Variants in PCNX1 observed in about 807,000 individuals in gnomAD.
PCNX1 encodes pecanex-like protein 1.
A neutral mutation model predicts 242.2 loss-of-function variants in PCNX1; 78 were observed. The ratio of observed to expected loss-of-function variants is 0.32; its 90% CI spans 0.27 to 0.39. The LOEUF is 0.39. Ranked by LOEUF, PCNX1 falls within the 10% of genes least tolerant of loss-of-function variation. PCNX1 has a pLI of 1.00. For missense variants in PCNX1, 2,581 were observed against 2,856.5 expected (o/e 0.90, Z 2.20); for synonymous variants, 1,024 against 1,032.9 (o/e 0.99, Z 0.17).
intron 28 of PCNX1, 51 bp downstream of exon 28, chr14:71,076,470 G>A (rs1035632240): frequency 8.4e-7 from 1 of 1,191,834 alleles, no homozygotes; most frequent in African/African-American, 1.5e-5. Flanking sequence ...TTCCAAAGAT[G>A]CAAAGAATGT....
At chr14:70,967,870 G>A (rs1231995176) in intron 3 of PCNX1, among the ~76,000 whole-genome samples, 5 of 152,114 alleles carry the variant, frequency 3.3e-5, no homozygotes, top group Admixed American at 2.0e-4. Flanking sequence ...TAACATGAAC[G>A]TGTCATGATG....
chr14:70,907,722 G>T lies in PCNX1; in HGVS notation c.-129G>T, dbSNP rs1017038995. The T allele has an allele frequency of 5.5e-6, 6 of 1,100,146 alleles. No homozygotes were observed. The East Asian group carries it at 2.6e-4, about 48-fold the overall frequency. The allele number at this position is 1,100,146 out of a possible 1,614,324, so 68.1% of individuals were successfully genotyped here. A position where few individuals can be genotyped will look rare whatever the true frequency, so the allele number is the denominator to read the frequency against. On this transcript the variant is annotated 5_prime_UTR_variant, in exon 1 of 36. Coordinates refer to ENST00000304743, the MANE Select transcript of PCNX1 (RefSeq NM_014982.3). ...CAGCACCAGCGACCGCCGAAGCGCC[G>T]GCTCGCTCACCCGGAGCTCCGGAGG... is the stretch of plus-strand genomic sequence containing the variant.
chr14:70,995,727 A>G lies in PCNX1; in HGVS notation c.2445-14A>G. 1 of 1,612,082 alleles carries G rather than the reference A, an allele frequency of 6.2e-7. No individual in the cohort carries two copies. The highest frequency in any genetic ancestry group is 1.7e-4 in the Middle Eastern group (1 of 6,038). ...CTTCCCTGTAATGTCTCCCCAATCC[A>G]TGTTTTTTCCTAGCCTTCAAGATGG... On this transcript the variant is annotated splice_polypyrimidine_tract_variant and intron_variant, in intron 7 of 35. Transcript: ENST00000304743.
chr14:70,920,346 CTG>C (rs1305570547), intron 1 of PCNX1, among the ~76,000 whole-genome samples: 9 of 152,204 alleles, frequency 5.9e-5, no homozygotes, highest in Non-Finnish European at 1.3e-4. Context: ...GTCCAGGCCA[CTG>C]TGTTGCATTT....
intron 8 of PCNX1, among the ~76,000 whole-genome samples, chr14:71,001,231 A>G (rs974239653): frequency 5.9e-5 from 9 of 152,280 alleles, no homozygotes; most frequent in Middle Eastern, 3.4e-3. Context: ...CTGAATGTCC[A>G]TTACATAAGC....
At chr14:70,973,665 T>C (rs953448303) in intron 5 of PCNX1, among the ~76,000 whole-genome samples, 5 of 152,062 alleles carry the variant, frequency 3.3e-5, no homozygotes, top group East Asian at 1.9e-4. Flanking sequence ...GTAAGAGATA[T>C]AACAACATGT....
intron 1 of PCNX1, among the ~76,000 whole-genome samples, chr14:70,934,463 T>G (rs1209984242): frequency 6.6e-6 from 1 of 152,216 alleles, no homozygotes; most frequent in Non-Finnish European, 1.5e-5. Flanking sequence ...AATTTTTGTT[T>G]CAGAGACAGG....
intron 1 of PCNX1, among the ~76,000 whole-genome samples, chr14:70,922,292 G>C (rs1383490647): frequency 2.0e-5 from 3 of 151,958 alleles, no homozygotes; most frequent in Admixed American, 1.3e-4. Context: ...AGTATATATA[G>C]AAAACATGAA....
At position 71,006,131 on chromosome 14, in the gene PCNX1, G is replaced by C. The variant is rs866938648; in HGVS notation, c.2630-3503G>C. 6.3e-3 allele frequency among the ~76,000 whole-genome samples: 667 copies of C among 105,272 alleles called. 5 individuals carry two copies. The highest frequency in any genetic ancestry group is 0.021 in the Middle Eastern group (5 of 234). 69.1% of individuals were successfully genotyped at this position (105,272 alleles called of 152,430 possible). A position where few individuals can be genotyped will look rare whatever the true frequency, so the allele number is the denominator to read the frequency against. ...TGTGTGTGTGTGTGTGTGTGTGTGT[G>C]TGTGTGTGTGTGTGTGTGTGTGTGT... On this transcript the variant is annotated intron_variant, in intron 8 of 35. Transcript: ENST00000304743.
intron 32 of PCNX1, among the ~76,000 whole-genome samples, chr14:71,103,993 C>T (rs1000210760): frequency 2.0e-5 from 3 of 152,004 alleles, no homozygotes; most frequent in African/African-American, 4.8e-5. Flanking sequence ...TCTGTACAAA[C>T]GGGAAGTTAA....
chr14:70,949,281 A>ATACACACACGTGTG (rs1422973737), intron 2 of PCNX1, among the ~76,000 whole-genome samples: 7 of 31,920 alleles, frequency 2.2e-4, no homozygotes, highest in East Asian at 8.6e-4. Flanking sequence ...ACACACGTGT[A>ATACACACACGTGTG]TACACACACG....
At chr14:70,919,071 C>T (rs1298977551) in intron 1 of PCNX1, among the ~76,000 whole-genome samples, 4 of 151,584 alleles carry the variant, frequency 2.6e-5, no homozygotes, top group South Asian at 2.1e-4. Flanking sequence ...TTTGTTGAGG[C>T]GGGGGTCTTG....
rs762011273 is a variant in PCNX1, at chr14:70,908,009, T to C, written c.153+6T>C. 29 of 1,570,908 alleles carry C rather than the reference T, an allele frequency of 1.8e-5. No individual in the cohort carries two copies. Among genetic ancestry groups the C allele is most frequent in the Non-Finnish European group, 2.4e-5 (28 of 1,161,964 alleles). On this transcript the variant is annotated splice_donor_region_variant and intron_variant, in intron 1 of 35. Transcript: ENST00000304743. ...TGCCCTTCACCCTCTACATGGTGAG[T>C]GTGGGGGCGGGGAGCGGGTGGCTCC... is the stretch of plus-strand genomic sequence containing the variant.
chr14:71,078,234 G>C (rs1189740496), intron 28 of PCNX1, among the ~76,000 whole-genome samples: 1 of 152,148 alleles, frequency 6.6e-6, no homozygotes, highest in Non-Finnish European at 1.5e-5. Context: ...AGTTGAACAA[G>C]ATTATCTTCA....
intron 28 of PCNX1, among the ~76,000 whole-genome samples, chr14:71,087,110 G>A (rs1052427679): frequency 1.8e-4 from 28 of 152,282 alleles, no homozygotes; most frequent in Middle Eastern, 3.4e-3. Flanking sequence ...ATCACCCGTT[G>A]TAACTACCTT....
chr14:70,991,538 T>C (rs2059167698), intron 7 of PCNX1, among the ~76,000 whole-genome samples: 1 of 152,168 alleles, frequency 6.6e-6, no homozygotes, highest in South Asian at 2.1e-4. Flanking sequence ...CACATTATAG[T>C]TTTTGAAAAG....
At chr14:71,024,686 G>C (rs1158087402) in intron 13 of PCNX1, among the ~76,000 whole-genome samples, 1 of 152,086 alleles carries the variant, frequency 6.6e-6, no homozygotes, top group Non-Finnish European at 1.5e-5. Context: ...TTGTCTTCAA[G>C]GTGTCTGAAA....
At chr14:71,088,122 T>C (rs1213152235) in intron 28 of PCNX1, among the ~76,000 whole-genome samples, 2 of 152,186 alleles carry the variant, frequency 1.3e-5, no homozygotes, top group African/African-American at 4.8e-5. Flanking sequence ...TCCGTTATTA[T>C]GAAATTTTAG....
intron 1 of PCNX1, among the ~76,000 whole-genome samples, chr14:70,923,581 GTGCA>G: frequency 6.6e-6 from 1 of 152,216 alleles, no homozygotes; most frequent in African/African-American, 2.4e-5. Flanking sequence ...ACAGTTTCTT[GTGCA>G]TCCCACTGTA....
Sources: allele counts gnomAD v4.1 joint callset (sites outside exome capture counted in the v4.1 genomes callset), GRCh38; gene constraint gnomAD v4.1.1; transcripts MANE v1.5; gene names NCBI Gene and HGNC (gene_info 2026-07-23, HGNC 2026-07-21).